GRID2: variants seen among roughly 807,000 people sequenced by gnomAD.
GRID2 encodes glutamate receptor ionotropic, delta-2.
A neutral mutation model predicts 114.8 loss-of-function variants in GRID2; 33 were observed. That is an observed-to-expected ratio of 0.29 (90% CI 0.22 to 0.38). The LOEUF (loss-of-function observed/expected upper bound fraction) is 0.38. Ranked by LOEUF, GRID2 falls within the 10% of genes least tolerant of loss-of-function variation. The pLI is 1.00. For synonymous variants in GRID2, 505 were observed against 449.9 expected, an observed-to-expected ratio of 1.12 and a Z score of -1.55; for missense variants, 1,184 against 1,257.7, an observed-to-expected ratio of 0.94 and a Z score of 0.89.
intron 13 of GRID2, among the ~76,000 whole-genome samples, chr4:93,604,656 T>TG (rs890485280): frequency 7.9e-5 from 12 of 152,260 alleles, no homozygotes; most frequent in African/African-American, 2.9e-4. Flanking sequence ...TTGATGAATG[T>TG]GGCAAATTTA....
rs184634610 is a variant in GRID2 at position 93,437,367 on chromosome 4, C to T, written c.1545+14399C>T. Among the ~76,000 whole-genome samples, 257 of 152,216 alleles carry T rather than the reference C, an allele frequency of 1.7e-3. 5 individuals are homozygous for T. The highest frequency in any genetic ancestry group is 2.9e-4 in the Non-Finnish European group (20 of 68,010). On this transcript the variant is annotated intron_variant, in intron 10 of 15. Transcript: ENST00000282020. ...GGCTCCAGCATCCAAGTGCTTAACTCCTTTACCAGTTTCCAGAGAAAAACA... is the reference window on the plus strand; with the variant it reads ...GGCTCCAGCATCCAAGTGCTTAACTTCTTTACCAGTTTCCAGAGAAAAACA...
intron 1 of GRID2, among the ~76,000 whole-genome samples, chr4:92,358,375 G>C (rs892001538): frequency 6.6e-6 from 1 of 151,902 alleles, no homozygotes; most frequent in African/African-American, 2.4e-5. Flanking sequence ...AATTTGGGAA[G>C]AGTTAATAAA....
intron 2 of GRID2, among the ~76,000 whole-genome samples, chr4:92,723,112 C>A (rs1579917322): frequency 6.6e-6 from 1 of 151,722 alleles, no homozygotes; most frequent in Non-Finnish European, 1.5e-5. Flanking sequence ...AGTGATTGAC[C>A]CCCAAATATC....
intron 4 of GRID2, among the ~76,000 whole-genome samples, chr4:93,207,110 A>C (rs947351383): frequency 6.6e-6 from 1 of 152,096 alleles, no homozygotes; most frequent in Admixed American, 6.6e-5. Flanking sequence ...TCTCAGTTAA[A>C]TCACAAAACA....
At chr4:93,681,816 C>T (rs1268057632) in intron 14 of GRID2, among the ~76,000 whole-genome samples, 1 of 152,104 alleles carries the variant, frequency 6.6e-6, no homozygotes, top group Non-Finnish European at 1.5e-5. Context: ...AGACCTAAAA[C>T]CATAAAAACC....
chr4:92,318,235 G>A (rs1726102067), intron 1 of GRID2, among the ~76,000 whole-genome samples: 2 of 150,046 alleles, frequency 1.3e-5, no homozygotes. Context: ...ATTATTGATG[G>A]TGTTTTATTT....
chr4:92,996,185 G>A lies in GRID2; in HGVS notation c.245-88810G>A, dbSNP rs540692500. ...GGAGCCTATAATCCCAGCAACTTGG[G>A]AGGCTGAGGCAGGGGAATGGCTTGA... On this transcript the variant is annotated intron_variant, in intron 2 of 15. Coordinates refer to ENST00000282020, the MANE Select transcript of GRID2 (RefSeq NM_001510.4). Among the ~76,000 whole-genome samples the A allele has an allele frequency of 2.0e-5, 3 of 151,922 alleles. No individual in the cohort carries two copies. In the South Asian group the frequency reaches 6.2e-4, roughly 32 times the overall value.
At chr4:92,785,587 G>T (rs906555119) in intron 2 of GRID2, among the ~76,000 whole-genome samples, 1 of 151,714 alleles carries the variant, frequency 6.6e-6, no homozygotes, top group Non-Finnish European at 1.5e-5. Flanking sequence ...AACCCTGGAA[G>T]AATTAATCTT....
Position 93,065,478 on chromosome 4 carries a change from A to C in GRID2, c.245-19517A>C, listed in dbSNP as rs188461727. 2.6e-5 allele frequency among the ~76,000 whole-genome samples: 4 copies of C among 151,978 alleles called. No homozygotes were observed. The East Asian group carries it at 7.8e-4, about 30-fold the overall frequency. ...CAAAAGAAGTGACTGTTTTTACTTT[A>C]TCTCTCCCAGTCATAACTTATGTGT... On this transcript the variant is annotated intron_variant, in intron 2 of 15. Transcript: ENST00000282020.
chr4:93,667,739 T>C (rs749836123), intron 14 of GRID2, among the ~76,000 whole-genome samples: 1 of 152,060 alleles, frequency 6.6e-6, no homozygotes, highest in Non-Finnish European at 1.5e-5. Flanking sequence ...AACATCCCCA[T>C]ATAAATATTA....
intron 1 of GRID2, among the ~76,000 whole-genome samples, chr4:92,423,141 A>T (rs1488269291): frequency 6.6e-6 from 1 of 152,174 alleles, no homozygotes. Context: ...ATGAAAAATG[A>T]TAGCTCAAAC....
At chr4:93,453,506 AT>A (rs555874223) in intron 10 of GRID2, among the ~76,000 whole-genome samples, 125 of 152,216 alleles carry the variant, frequency 8.2e-4, no homozygotes, top group Middle Eastern at 3.4e-3. Flanking sequence ...ATGACAAGTA[AT>A]TGTTAAATTT....
chr4:93,124,803 C>T (rs961141561), intron 4 of GRID2, among the ~76,000 whole-genome samples: 1 of 151,954 alleles, frequency 6.6e-6, no homozygotes, highest in African/African-American at 2.4e-5. Context: ...AAATTAAGGT[C>T]AATTTGCTTT....
chr4:92,685,906 A>G (rs16996358), intron 2 of GRID2, among the ~76,000 whole-genome samples: 12,179 of 152,098 alleles, frequency 0.08, 516 homozygotes, highest in East Asian at 0.088. Flanking sequence ...GATTTTGTAC[A>G]ATATGCCACA....
chr4:92,913,837 A>G (rs41518253), intron 2 of GRID2, among the ~76,000 whole-genome samples: 2 of 152,050 alleles, frequency 1.3e-5, no homozygotes, highest in Non-Finnish European at 2.9e-5. Context: ...CTCAAATTCT[A>G]TAAAAGGAAA....
At position 92,304,382 on chromosome 4, in the gene GRID2, T is replaced by G. The variant is rs1725269235; in HGVS notation, c.-275T>G. On this transcript the variant is annotated 5_prime_UTR_variant, in exon 1 of 16. Coordinates refer to ENST00000282020, the MANE Select transcript of GRID2 (RefSeq NM_001510.4). Reference sequence around the variant, plus strand: ...CCAAGAGCAGTAGAGGCTGGATATATTTTTCAAAAGCCAAACTGCAAACAA... The same window carrying G: ...CCAAGAGCAGTAGAGGCTGGATATAGTTTTCAAAAGCCAAACTGCAAACAA... 4 of 502,292 alleles carry G rather than the reference T, an allele frequency of 8.0e-6. No homozygotes were observed. Among genetic ancestry groups the G allele is most frequent in the South Asian group, 4.3e-5 (2 of 47,002 alleles). 31.1% of individuals were successfully genotyped at this position (502,292 alleles called of 1,614,324 possible).
chr4:93,289,445 G>A (rs555306088), intron 8 of GRID2, among the ~76,000 whole-genome samples: 16 of 152,244 alleles, frequency 1.1e-4, no homozygotes, highest in Non-Finnish European at 1.6e-4. Context: ...TCGGGATGCC[G>A]TAGGGAGAAC....
At position 92,987,035 on chromosome 4, in the gene GRID2, A is replaced by G. The variant is rs536182226; in HGVS notation, c.245-97960A>G. ...AACAAAGTTTTATGTGTGAAATTTC[A>G]GAGTAGATTCTTAACAAAGGATGGA... is the stretch of plus-strand genomic sequence containing the variant. On this transcript the variant is annotated intron_variant, in intron 2 of 15. Coordinates refer to ENST00000282020, the MANE Select transcript of GRID2 (RefSeq NM_001510.4). Among the ~76,000 whole-genome samples, 16 of 152,310 alleles carry G rather than the reference A, an allele frequency of 1.1e-4. 1 individual carries two copies. Among genetic ancestry groups the G allele is most frequent in the African/African-American group, 3.8e-4 (16 of 41,576 alleles).
chr4:93,412,241 A>G (rs866108114), intron 9 of GRID2, among the ~76,000 whole-genome samples: 1 of 118,444 alleles, frequency 8.4e-6, no homozygotes, highest in East Asian at 3.5e-4. Context: ...CCCCCCCCCC[A>G]AAAAAAAATA....
Sources: allele counts gnomAD v4.1 joint callset (sites outside exome capture counted in the v4.1 genomes callset), GRCh38; gene constraint gnomAD v4.1.1; transcripts MANE v1.5; gene names NCBI Gene and HGNC (gene_info 2026-07-23, HGNC 2026-07-21).